The following SCAF4 variants were observed in gnomAD, a reference collection of about 807,000 sequenced individuals.
SCAF4 encodes the protein SR-related CTD associated factor 4.
A neutral mutation model predicts 129.8 loss-of-function variants in SCAF4; 25 were observed. The ratio of observed to expected loss-of-function variants is 0.19; its 90% CI spans 0.14 to 0.27. SCAF4 has a LOEUF of 0.27. SCAF4 is among the 10% of genes least tolerant of loss of function. The pLI, the probability that SCAF4 is intolerant of heterozygous loss-of-function variation, is 1.00. For missense variants in SCAF4, 1,246 were observed against 1,457.1 expected, an observed-to-expected ratio of 0.86 and a Z score of 2.36; for synonymous variants, 551 against 497.7, an observed-to-expected ratio of 1.11 and a Z score of -1.43.
At chr21:31,681,470 T>C (rs1045365777) in intron 19 of SCAF4, among the ~76,000 whole-genome samples, 4 of 152,156 alleles carry the variant, frequency 2.6e-5, no homozygotes, top group Non-Finnish European at 4.4e-5. Flanking sequence ...TAGAGATACA[T>C]GTTATACAAA....
chr21:31,725,066 C>T (rs758145649), intron 1 of SCAF4, among the ~76,000 whole-genome samples: 8 of 152,098 alleles, frequency 5.3e-5, no homozygotes, highest in Non-Finnish European at 1.2e-4. Flanking sequence ...ACTGTATAAC[C>T]AACTTTCAAC....
intron 1 of SCAF4, among the ~76,000 whole-genome samples, chr21:31,728,368 T>C (rs2051261221): frequency 6.6e-6 from 1 of 152,138 alleles, no homozygotes; most frequent in Non-Finnish European, 1.5e-5. Context: ...TACTTTACAC[T>C]AGCTACCTCT....
chr21:31,725,777 GA>G, intron 1 of SCAF4, among the ~76,000 whole-genome samples: 1 of 152,116 alleles, frequency 6.6e-6, no homozygotes, highest in Non-Finnish European at 1.5e-5. Context: ...CAGACTGAAT[GA>G]AAAAGTGGAA....
chr21:31,695,505 A>C (rs2050363607), intron 9 of SCAF4, among the ~76,000 whole-genome samples: 1 of 152,238 alleles, frequency 6.6e-6, no homozygotes, highest in Non-Finnish European at 1.5e-5. Flanking sequence ...ATGTCAGTTT[A>C]AACACAAATA....
At chr21:31,731,597 G>A in intron 1 of SCAF4, 66 bp downstream of exon 1, 2 of 1,544,450 alleles carry the variant, frequency 1.3e-6, no homozygotes, top group Non-Finnish European at 1.8e-6. Flanking sequence ...AACCTCCGGC[G>A]GCGGGAGAAA....
rs2051378743 is a variant in SCAF4 at position 31,732,053 on chromosome 21, C to A, written c.-361G>T. 1 of 424,436 alleles carries A rather than the reference C, an allele frequency of 2.4e-6. No homozygotes were observed. Among genetic ancestry groups the A allele is most frequent in the African/African-American group, 2.1e-5 (1 of 48,420 alleles). 26.3% of individuals were successfully genotyped at this position (424,436 alleles called of 1,614,324 possible). ...CTGGCCCGGCCGGCGAGCGGGCGGG[C>A]CTCTCTCTCCCTCTCTCCAGCGGGA... is the stretch of plus-strand genomic sequence containing the variant. On this transcript the variant is annotated 5_prime_UTR_variant, in exon 1 of 20. Transcript: ENST00000286835.
chr21:31,700,952 G>A, intron 7 of SCAF4, 43 bp downstream of exon 7: 1 of 1,578,740 alleles, frequency 6.3e-7, no homozygotes, highest in Non-Finnish European at 8.7e-7. Flanking sequence ...AACTCAAGTT[G>A]AGTGATATAA....
intron 3 of SCAF4, among the ~76,000 whole-genome samples, chr21:31,704,595 G>T (rs779576132): frequency 2.0e-5 from 3 of 151,086 alleles, no homozygotes; most frequent in Non-Finnish European, 4.4e-5. Flanking sequence ...TGTAACAACC[G>T]CAGAGGAGTA....
Position 31,701,756 on chromosome 21 carries a change from C to T in SCAF4, c.600+20G>A, listed in dbSNP as rs993137048. The T allele has an allele frequency of 4.4e-5, 70 of 1,590,226 alleles. No individual in the cohort carries two copies. Among genetic ancestry groups the T allele is most frequent in the Non-Finnish European group, 5.9e-5 (69 of 1,172,112 alleles). On this transcript the variant is annotated intron_variant, in intron 6 of 19. Coordinates refer to ENST00000286835, the MANE Select transcript of SCAF4 (RefSeq NM_020706.2). The stretch of plus-strand genomic sequence containing the variant: ...GTACCTAGTCCTGCAAACAATTTCA[C>T]TTTTGAGTAGACAGTTTACCTGTTG...
At chr21:31,729,169 C>G (rs556661130) in intron 1 of SCAF4, among the ~76,000 whole-genome samples, 1 of 152,344 alleles carries the variant, frequency 6.6e-6, no homozygotes, top group Admixed American at 6.5e-5. Flanking sequence ...AACTGAAATT[C>G]AAACACATTA....
intron 1 of SCAF4, chr21:31,712,899 G>A: frequency 1.0e-6 from 1 of 969,272 alleles, no homozygotes; most frequent in Non-Finnish European, 1.2e-6. Context: ...TGAAATGAAA[G>A]CATCTAAAAT....
intron 13 of SCAF4, 168 bp downstream of exon 13, chr21:31,692,155 CAAGAAATGTTAAATACAAAGAATTCT>C (rs1212656515): frequency 8.5e-6 from 5 of 587,094 alleles, no homozygotes; most frequent in Middle Eastern, 7.2e-4. Context: ...CTTGGTTATC[CAAGAAATGTTAAATACAAAGAATTCT>C]AAGAAATGTT....
At chr21:31,717,900 T>TACACACACACACACACACAC (rs1227041267) in intron 1 of SCAF4, among the ~76,000 whole-genome samples, 1 of 78,592 alleles carries the variant, frequency 1.3e-5, no homozygotes, top group African/African-American at 4.5e-5. Flanking sequence ...TATATACACA[T>TACACACACACACACACACAC]ATATACACAC....
chr21:31,671,943 G>GGCT lies in SCAF4; in HGVS notation c.2897_2899dup (p.Gln966dup), dbSNP rs578023456. 273 of 1,606,450 alleles carry GGCT rather than the reference G, an allele frequency of 1.7e-4. No homozygotes were observed. Among genetic ancestry groups the GGCT allele is most frequent in the South Asian group, 1.0e-3 (95 of 90,880 alleles). On this transcript the variant is annotated inframe_insertion, in exon 20 of 20. Coordinates refer to ENST00000286835, the MANE Select transcript of SCAF4 (RefSeq NM_020706.2). ...TGGTGGAGGCTGTTGTGATGGTGGTGGCTGCTGCTGCTGCTGCTGCTGTGG... is the reference window on the plus strand; with the variant it reads ...TGGTGGAGGCTGTTGTGATGGTGGTGGCTGCTGCTGCTGCTGCTGCTGCTGTGG...
At chr21:31,681,854 G>T (rs2050002001) in intron 19 of SCAF4, among the ~76,000 whole-genome samples, 1 of 152,126 alleles carries the variant, frequency 6.6e-6, no homozygotes, top group African/African-American at 2.4e-5. Flanking sequence ...CCTCTTTCCA[G>T]TATAATCAGG....
intron 1 of SCAF4, among the ~76,000 whole-genome samples, chr21:31,729,072 C>T (rs2051280600): frequency 6.6e-6 from 1 of 152,184 alleles, no homozygotes; most frequent in Admixed American, 6.5e-5. Context: ...AAGTCTCTGC[C>T]TCCTACAACA....
At chr21:31,704,180 T>C (rs1253238898) in intron 3 of SCAF4, among the ~76,000 whole-genome samples, 1 of 152,070 alleles carries the variant, frequency 6.6e-6, no homozygotes, top group Non-Finnish European at 1.5e-5. Context: ...CTACACCCAA[T>C]GTCCCAAAAT....
At chr21:31,713,756 T>TGGGGGGG (rs376619988) in intron 1 of SCAF4, among the ~76,000 whole-genome samples, 44 of 96,762 alleles carry the variant, frequency 4.5e-4, no homozygotes, top group South Asian at 2.6e-3. Flanking sequence ...GGGGGTGGGG[T>TGGGGGGG]GGGGGGGGCA....
At chr21:31,675,073 C>G (rs2049817795) in intron 19 of SCAF4, among the ~76,000 whole-genome samples, 1 of 152,078 alleles carries the variant, frequency 6.6e-6, no homozygotes, top group South Asian at 2.1e-4. Flanking sequence ...ACATTACTAG[C>G]AGCTTTTGAA....
Sources: allele counts gnomAD v4.1 joint callset (sites outside exome capture counted in the v4.1 genomes callset), GRCh38; gene constraint gnomAD v4.1.1; transcripts MANE v1.5; gene names NCBI Gene and HGNC (gene_info 2026-07-23, HGNC 2026-07-21).